Variants in RGS20 observed in about 807,000 individuals in gnomAD.
RGS20 encodes the protein gz-selective GTPase-activating protein.
In RGS20, 30 loss-of-function variants were observed where a neutral mutation model predicts 33.6. The ratio of observed to expected loss-of-function variants is 0.89; its 90% CI spans 0.67 to 1.21. RGS20 has a LOEUF of 1.21. Ranked by LOEUF, RGS20 falls within the 50% of genes most tolerant of loss-of-function variation. RGS20 has a pLI of 0.00. For missense variants in RGS20, 472 were observed against 502.4 expected (o/e 0.94, Z 0.58); for synonymous variants, 208 against 197.9 (o/e 1.05, Z -0.43).
intron 2 of RGS20, 95 bp downstream of exon 1, chr8:53,881,179 G>A: frequency 7.5e-6 from 7 of 933,512 alleles, no homozygotes; most frequent in African/African-American, 1.7e-5. Context: ...GGGGCGCGCC[G>A]CTCGTCCGGA....
chr8:53,900,498 A>G (rs929170153), intron 2 of RGS20, among the ~76,000 whole-genome samples: 1 of 152,218 alleles, frequency 6.6e-6, no homozygotes, highest in Non-Finnish European at 1.5e-5. Context: ...TCGTATTTTT[A>G]CATTAAATAT....
chr8:53,957,176 G>A (rs571740483), intron 5 of RGS20, among the ~76,000 whole-genome samples: 101 of 152,312 alleles, frequency 6.6e-4, no homozygotes, highest in African/African-American at 2.3e-3. Flanking sequence ...GCCCAGGCTG[G>A]AGTGCAGTGG....
At chr8:53,911,636 A>G (rs1813349258) in intron 2 of RGS20, among the ~76,000 whole-genome samples, 1 of 152,206 alleles carries the variant, frequency 6.6e-6, no homozygotes. Flanking sequence ...GTCCCTAAGA[A>G]AGGCATCAGG....
At chr8:53,888,457 T>A (rs575094370) in intron 2 of RGS20, among the ~76,000 whole-genome samples, 1 of 152,116 alleles carries the variant, frequency 6.6e-6, no homozygotes, top group Non-Finnish European at 1.5e-5. Context: ...TAGATCAGGG[T>A]TTCTCACCTC....
intron 1 of RGS20, among the ~76,000 whole-genome samples, chr8:53,864,943 A>G (rs1260194766): frequency 1.3e-5 from 2 of 152,184 alleles, no homozygotes; most frequent in Non-Finnish European, 2.9e-5. Flanking sequence ...TGCCAAGCAA[A>G]GCAGTCTAAT....
At chr8:53,934,428 GAAAGCAAAAA>G (rs1814067987) in intron 2 of RGS20, among the ~76,000 whole-genome samples, 1 of 152,096 alleles carries the variant, frequency 6.6e-6, no homozygotes, top group African/African-American at 2.4e-5. Context: ...CAAGCAAATG[GAAAGCAAAAA>G]GAAGCAAGCG....
At chr8:53,881,052 T>G (rs765189418) in intron 2 of RGS20, 2 of 1,557,304 alleles carry the variant, frequency 1.3e-6, no homozygotes, top group Non-Finnish European at 1.7e-6. Flanking sequence ...GGCCGGGGCT[T>G]CCTCCCCGGC....
chr8:53,946,523 T>C (rs1165888453), intron 3 of RGS20, 142 bp from the exon 3 acceptor site: 8 of 782,360 alleles, frequency 1.0e-5, no homozygotes, highest in Non-Finnish European at 1.8e-5. Flanking sequence ...TTGGGAAAAC[T>C]AACTGGGGTC....
rs116067708 is a variant in RGS20, at chr8:53,957,020, C to A, written c.979-1250C>A. The stretch of plus-strand genomic sequence containing the variant: ...ACTTTGTCATTAAATCACAAAAAAC[C>A]TAAGACATTACCATCATCATCATCC... On this transcript the variant is annotated intron_variant, in intron 5 of 5. Transcript: ENST00000297313. Among the ~76,000 whole-genome samples the A allele has an allele frequency of 3.4e-3, 520 of 152,286 alleles. 2 individuals carry two copies. The highest frequency in any genetic ancestry group is 0.012 in the African/African-American group (496 of 41,552).
At chr8:53,924,541 C>CT (rs1813741663) in intron 2 of RGS20, among the ~76,000 whole-genome samples, 1 of 152,070 alleles carries the variant, frequency 6.6e-6, no homozygotes, top group South Asian at 2.1e-4. Flanking sequence ...TCAGGCTGGT[C>CT]TTAAACTCCT....
At chr8:53,919,385 C>T (rs1349396710) in intron 2 of RGS20, among the ~76,000 whole-genome samples, 3 of 151,086 alleles carry the variant, frequency 2.0e-5, no homozygotes, top group Non-Finnish European at 4.4e-5. Context: ...TCTGTCACCC[C>T]GTCTGGAGTG....
At chr8:53,942,300 A>G (rs1446907690) in intron 3 of RGS20, among the ~76,000 whole-genome samples, 1 of 151,848 alleles carries the variant, frequency 6.6e-6, no homozygotes, top group African/African-American at 2.4e-5. Flanking sequence ...AAAAAATAAA[A>G]CACAAAAATT....
At chr8:53,952,210 T>G (rs1416110651) in intron 4 of RGS20, among the ~76,000 whole-genome samples, 2 of 136,218 alleles carry the variant, frequency 1.5e-5, no homozygotes, top group Non-Finnish European at 3.1e-5. Context: ...CCCGAGTAGC[T>G]GGGATTACAG....
intron 2 of RGS20, among the ~76,000 whole-genome samples, chr8:53,938,035 T>C (rs993370962): frequency 5.3e-5 from 8 of 152,194 alleles, no homozygotes; most frequent in African/African-American, 1.9e-4. Flanking sequence ...CATTACTGGG[T>C]ATATACCCAA....
At chr8:53,934,661 G>A (rs75706071) in intron 2 of RGS20, among the ~76,000 whole-genome samples, 7,558 of 152,144 alleles carry the variant, frequency 0.05, 481 homozygotes, top group African/African-American at 0.15. Flanking sequence ...AATAATAGTT[G>A]GAGACTTTTA....
intron 1 of RGS20, among the ~76,000 whole-genome samples, chr8:53,875,960 T>G (rs1812200071): frequency 6.6e-6 from 1 of 152,220 alleles, no homozygotes; most frequent in Non-Finnish European, 1.5e-5. Context: ...CTGCATAATT[T>G]ATGGTCAATG....
intron 5 of RGS20, 31 bp from the exon 5 acceptor site, chr8:53,958,239 T>C: frequency 6.5e-7 from 1 of 1,548,184 alleles, no homozygotes; most frequent in African/African-American, 1.4e-5. Context: ...CTGAAGTCTC[T>C]AATACAGCTC....
chr8:53,943,005 T>C (rs907353767), intron 3 of RGS20, among the ~76,000 whole-genome samples: 1 of 151,760 alleles, frequency 6.6e-6, no homozygotes, highest in East Asian at 1.9e-4. Context: ...CAGAAATAAA[T>C]AAATTCATAT....
intron 1 of RGS20, among the ~76,000 whole-genome samples, chr8:53,858,912 A>C (rs926184611): frequency 5.3e-4 from 75 of 141,918 alleles, no homozygotes; most frequent in Middle Eastern, 3.7e-3. Context: ...AAAAAAAAAA[A>C]CCGCGGGGGG....
Sources: gnomAD v4.1 joint callset for allele counts (sites outside exome capture counted in the v4.1 genomes callset) on GRCh38, gnomAD v4.1.1 for gene constraint, MANE v1.5 for transcripts, NCBI Gene and HGNC (gene_info 2026-07-23, HGNC 2026-07-21) for gene names.